Variants in COL9A2 observed in about 807,000 individuals in gnomAD.
COL9A2 encodes collagen type IX alpha 2 chain.
Under a neutral mutation model 111.6 loss-of-function variants are expected in COL9A2, and 66 were observed. The ratio of observed to expected loss-of-function variants is 0.59; its 90% CI spans 0.48 to 0.73. The LOEUF (loss-of-function observed/expected upper bound fraction) is 0.73. Among genes scored for constraint, COL9A2 ranks in the 30% least tolerant of loss-of-function variants. The pLI is 0.00. For synonymous variants in COL9A2, 353 were observed against 364.1 expected (o/e 0.97, Z 0.35); for missense variants, 881 against 954.1 (o/e 0.92, Z 1.01).
At chr1:40,308,577 G>C (rs191452625) in intron 16 of COL9A2, among the ~76,000 whole-genome samples, 1 of 152,246 alleles carries the variant, frequency 6.6e-6, no homozygotes, top group Non-Finnish European at 1.5e-5. Context: ...TGCTGTGTGA[G>C]TCTTGATTTG....
chr1:40,304,556 C>T (rs371926046), intron 22 of COL9A2, 27 bp from the exon 23 acceptor site: 80 of 1,612,988 alleles, frequency 5.0e-5, no homozygotes, highest in Non-Finnish European at 6.1e-5. Context: ...AGGTCACAAC[C>T]TCAGCAGCTC....
Position 40,303,733 on chromosome 1 carries a change from G to A in COL9A2, c.1402-57C>T. 1.4e-6 allele frequency: 2 copies of A among 1,465,248 alleles called. No individual in the cohort carries two copies. The highest frequency in any genetic ancestry group is 2.7e-5 in the East Asian group (1 of 36,966). 90.8% of individuals were successfully genotyped at this position (1,465,248 alleles called of 1,614,324 possible). On this transcript the variant is annotated intron_variant, in intron 27 of 31. Coordinates refer to ENST00000372748, the MANE Select transcript of COL9A2 (RefSeq NM_001852.4). This position sits in a 1 kb window ranked among gnomAD's most constrained non-coding sequence, Gnocchi z 4.6. Reference sequence around the variant, plus strand: ...GGTGAGAAGGCGCCCGGGTGGGCGAGAGTGGGGGGTGGGGGTCGAGGAAGG... The same window carrying A: ...GGTGAGAAGGCGCCCGGGTGGGCGAAAGTGGGGGGTGGGGGTCGAGGAAGG...
intron 16 of COL9A2, among the ~76,000 whole-genome samples, chr1:40,309,256 CA>C (rs949880362): frequency 1.6e-4 from 25 of 151,812 alleles, no homozygotes; most frequent in African/African-American, 6.0e-4. Flanking sequence ...CAAAACAAAA[CA>C]AAACAACTAG....
At chr1:40,305,797 T>A (rs117303671) in intron 20 of COL9A2, 29 bp from the exon 21 acceptor site, 3 of 1,611,860 alleles carry the variant, frequency 1.9e-6, no homozygotes, top group East Asian at 2.2e-5. Flanking sequence ...CAGGTCAGTC[T>A]GGGTGGCCCA....
rs531682380 is a variant in COL9A2, at chr1:40,314,461, A to T, written c.151-74T>A. On this transcript the variant is annotated intron_variant, in intron 2 of 31. Transcript: ENST00000372748. This position sits in a 1 kb window ranked among gnomAD's most constrained non-coding sequence, Gnocchi z 4.1. ...CAAGTGGGCACACACAGGCCCTGGC[A>T]GGCCGCTCCCAAAGGCTCTCCTCAC... 1 of 1,580,786 alleles carries T rather than the reference A, an allele frequency of 6.3e-7. No homozygotes were observed. The highest frequency in any genetic ancestry group is 8.7e-7 in the Non-Finnish European group (1 of 1,149,896).
At position 40,304,915 on chromosome 1, in the gene COL9A2, C is replaced by T; in HGVS notation, c.1108-68G>A. 2.2e-6 allele frequency: 3 copies of T among 1,362,170 alleles called. No individual in the cohort carries two copies. The South Asian group carries it at 3.9e-5, about 18-fold the overall frequency. The allele number at this position is 1,362,170 out of a possible 1,614,324, so 84.4% of individuals were successfully genotyped here. ...AACCCACCCTTCCACACCTGGCCAG[C>T]CCCTCCCTACCCTGGGTCTCAGCTA... On this transcript the variant is annotated intron_variant, in intron 21 of 31. Transcript: ENST00000372748.
At position 40,307,242 on chromosome 1, in the gene COL9A2, A is replaced by G. The variant is rs1278576846; in HGVS notation, c.1008+204T>C. On this transcript the variant is annotated intron_variant, in intron 19 of 31. Coordinates refer to ENST00000372748, the MANE Select transcript of COL9A2 (RefSeq NM_001852.4). This position sits in a 1 kb window ranked among gnomAD's most constrained non-coding sequence, Gnocchi z 4.8. ...TATAGTGCAGAAATGGTCAGATCCCATTTAGCCAACATGGAGGACTGGAAT... is the reference window on the plus strand; with the variant it reads ...TATAGTGCAGAAATGGTCAGATCCCGTTTAGCCAACATGGAGGACTGGAAT... Among the ~76,000 whole-genome samples the G allele has an allele frequency of 6.6e-6, 1 of 152,270 alleles. No individual in the cohort carries two copies. The highest frequency in any genetic ancestry group is 6.5e-5 in the Admixed American group (1 of 15,292).
Position 40,301,346 on chromosome 1 carries a change from T to C in COL9A2, c.1906A>G (p.Lys636Glu). Residue 636 changes from lysine (K) to glutamate (E), a missense_variant, in exon 32 of 32, where the codon AAG becomes GAG. Coordinates refer to ENST00000372748, the MANE Select transcript of COL9A2 (RefSeq NM_001852.4). ...CCTGGGGACCCTCGATCTCCATCCTTGCCGTTGATTGCCTGGCCAGGCCGG... is the reference window on the plus strand; with the variant it reads ...CCTGGGGACCCTCGATCTCCATCCTCGCCGTTGATTGCCTGGCCAGGCCGG... ...PGRPGQAING[K>E]DGDRGSPGAP... 1 of 1,609,192 alleles carries C rather than the reference T, an allele frequency of 6.2e-7. No individual in the cohort carries two copies. The highest frequency in any genetic ancestry group is 8.5e-7 in the Non-Finnish European group (1 of 1,176,754).
In COL9A2 at chr1:40,302,461, C is replaced by T. The variant is rs965167236; in HGVS notation, c.1792+160G>A. Among the ~76,000 whole-genome samples the T allele has an allele frequency of 2.6e-5, 4 of 152,176 alleles. No individual in the cohort carries two copies. The highest frequency in any genetic ancestry group is 1.3e-4 in the Admixed American group (2 of 15,268). ...ATAACATAGTACATTCATTGCCATC[C>T]GTTTGCTACTAGGAAAGAGCCCAGG... On this transcript the variant is annotated intron_variant, in intron 30 of 31. Transcript: ENST00000372748. The surrounding 1 kb of genome is among the most constrained non-coding windows in gnomAD (Gnocchi z 4.5).
In COL9A2 at chr1:40,310,509, GGA is replaced by G. The variant is rs1644106375; in HGVS notation, c.685-194_685-193del. Among the ~76,000 whole-genome samples, 1 of 152,190 alleles carries G rather than the reference GGA, an allele frequency of 6.6e-6. No homozygotes were observed. Among genetic ancestry groups the G allele is most frequent in the Non-Finnish European group, 1.5e-5 (1 of 68,028 alleles). ...TACTCAAAGGGACAGTGGCAGACCTGGACCTCAGCCTGGGCTTCTTGCTGACA... is the reference window on the plus strand; with the variant it reads ...TACTCAAAGGGACAGTGGCAGACCTGCCTCAGCCTGGGCTTCTTGCTGACA... On this transcript the variant is annotated intron_variant, in intron 13 of 31. Coordinates refer to ENST00000372748, the MANE Select transcript of COL9A2 (RefSeq NM_001852.4). This position sits in a 1 kb window ranked among gnomAD's most constrained non-coding sequence, Gnocchi z 4.9.
rs1644207792 is a variant in COL9A2, at chr1:40,315,643, C to G, written c.97G>C (p.Gly33Arg). The G allele has an allele frequency of 6.4e-7, 1 of 1,554,080 alleles. No homozygotes were observed. Among genetic ancestry groups the G allele is most frequent in the African/African-American group, 1.4e-5 (1 of 73,686 alleles). ...GGCGGTCCCGGGGGACCCGGGGGGC[C>G]CCGCTCTCCCGGTGGACCTCTCTGA... Reference protein sequence around the residue: ...AQIRGPPGERGPPGPPGPPGV... With the variant: ...AQIRGPPGERRPPGPPGPPGV... The change falls in exon 2 of 32, where the codon GGC becomes CGC. Residue 33 changes from glycine (G) to arginine (R), a missense_variant. Gly to Arg is a moderately radical substitution (Grantham distance 125). Transcript: ENST00000372748.
chr1:40,307,779 G>C lies in COL9A2; in HGVS notation c.901-23C>G. On this transcript the variant is annotated intron_variant, in intron 17 of 31. Coordinates refer to ENST00000372748, the MANE Select transcript of COL9A2 (RefSeq NM_001852.4). The surrounding 1 kb of genome is among the most constrained non-coding windows in gnomAD (Gnocchi z 4.8). ...GCCCTACCCAGGAGGAAAGTTCAAG[G>C]GAGAGTGATAATGCGGAGATGTCTG... The C allele has an allele frequency of 6.2e-7, 1 of 1,613,774 alleles. No homozygotes were observed. The highest frequency in any genetic ancestry group is 8.5e-7 in the Non-Finnish European group (1 of 1,179,704).
chr1:40,317,038 G>A lies in COL9A2; in HGVS notation c.75+85C>T. The A allele has an allele frequency of 3.6e-6, 5 of 1,379,968 alleles. No homozygotes were observed. The South Asian group carries it at 6.2e-5, about 17-fold the overall frequency. The allele number at this position is 1,379,968 out of a possible 1,614,324, so 85.5% of individuals were successfully genotyped here. ...CCTCTCGGGCTAGGGGTGTCAGTAGGCGCGGGACACAGGCAGAGCTCCTCC... is the reference window on the plus strand; with the variant it reads ...CCTCTCGGGCTAGGGGTGTCAGTAGACGCGGGACACAGGCAGAGCTCCTCC... On this transcript the variant is annotated intron_variant, in intron 1 of 31. Coordinates refer to ENST00000372748, the MANE Select transcript of COL9A2 (RefSeq NM_001852.4). This position sits in a 1 kb window ranked among gnomAD's most constrained non-coding sequence, Gnocchi z 4.3.
Position 40,303,630 on chromosome 1 carries a change from G to A in COL9A2, c.1448C>T (p.Ala483Val), listed in dbSNP as rs1203537041. ...EPGYPGPSGD[A>V]GAPGVQGYPG... The stretch of plus-strand genomic sequence containing the variant: ...GTAGCCCTGAACCCCTGGGGCGCCC[G>A]CATCCCCGCTGGGGCCAGGGTAGCC... The change falls in exon 28 of 32, where the codon GCG (alanine) becomes GTG (valine). Residue 483 changes from alanine to valine, a missense_variant. Coordinates refer to ENST00000372748, the MANE Select transcript of COL9A2 (RefSeq NM_001852.4). This position sits in a 1 kb window ranked among gnomAD's most constrained non-coding sequence, Gnocchi z 4.6. 4 of 1,592,988 alleles carry A rather than the reference G, an allele frequency of 2.5e-6. No individual in the cohort carries two copies. Among genetic ancestry groups the A allele is most frequent in the South Asian group, 1.1e-5 (1 of 88,236 alleles).
chr1:40,307,885 C>T lies in COL9A2; in HGVS notation c.901-129G>A. On this transcript the variant is annotated intron_variant, in intron 17 of 31. Coordinates refer to ENST00000372748, the MANE Select transcript of COL9A2 (RefSeq NM_001852.4). This position sits in a 1 kb window ranked among gnomAD's most constrained non-coding sequence, Gnocchi z 4.8. ...GTGGCTCTGGTCATCCCAGGAAGCC[C>T]CACTGGCCAACTGGGGGAGGGGAGT... 2 of 991,124 alleles carry T rather than the reference C, an allele frequency of 2.0e-6. No individual in the cohort carries two copies. Among genetic ancestry groups the T allele is most frequent in the South Asian group, 2.8e-5 (2 of 70,790 alleles). 61.4% of individuals were successfully genotyped at this position (991,124 alleles called of 1,614,324 possible).
chr1:40,315,382 C>G, intron 2 of COL9A2: 1 of 1,389,094 alleles, frequency 7.2e-7, no homozygotes, highest in East Asian at 2.8e-5. Flanking sequence ...TGTCTGTCGG[C>G]GGCTATAACG....
Position 40,316,338 on chromosome 1 carries a change from C to T in COL9A2, c.76-674G>A, listed in dbSNP as rs1438547609. Among the ~76,000 whole-genome samples, 1 of 152,212 alleles carries T rather than the reference C, an allele frequency of 6.6e-6. No individual in the cohort carries two copies. Among genetic ancestry groups the T allele is most frequent in the African/African-American group, 2.4e-5 (1 of 41,464 alleles). On this transcript the variant is annotated intron_variant, in intron 1 of 31. Transcript: ENST00000372748. This position sits in a 1 kb window ranked among gnomAD's most constrained non-coding sequence, Gnocchi z 5.5. ...GCAGGGGAGCAGGAGGAGCCGGCACCTCCCAGAAAGCAGACCCTCTCTCTG... is the reference window on the plus strand; with the variant it reads ...GCAGGGGAGCAGGAGGAGCCGGCACTTCCCAGAAAGCAGACCCTCTCTCTG...
At position 40,316,175 on chromosome 1, in the gene COL9A2, C is replaced by G. The variant is rs209921; in HGVS notation, c.76-511G>C. The G allele has an allele frequency of 4.0e-3, 644 of 162,888 alleles. 7 individuals are homozygous for G. The highest frequency in any genetic ancestry group is 0.015 in the African/African-American group (622 of 41,648). The allele number at this position is 162,888 out of a possible 1,614,324, so 10.1% of individuals were successfully genotyped here. On this transcript the variant is annotated intron_variant, in intron 1 of 31. Coordinates refer to ENST00000372748, the MANE Select transcript of COL9A2 (RefSeq NM_001852.4). The surrounding 1 kb of genome is among the most constrained non-coding windows in gnomAD (Gnocchi z 5.5). ...AGCGCCTCCTCCTCTCCCCATGGTG[C>G]GGGAAAACCCGACGGGAAAGTGGGG... is the stretch of plus-strand genomic sequence containing the variant.
Position 40,300,819 on chromosome 1 carries a change from C to T in COL9A2, c.*363G>A, listed in dbSNP as rs538062384. 4.5e-6 allele frequency: 1 copy of T among 221,614 alleles called. No individual in the cohort carries two copies. Among genetic ancestry groups the T allele is most frequent in the African/African-American group, 2.3e-5 (1 of 43,820 alleles). The allele number at this position is 221,614 out of a possible 1,614,324, so 13.7% of individuals were successfully genotyped here. A position where few individuals can be genotyped will look rare whatever the true frequency, so the allele number is the denominator to read the frequency against. ...CTGTAGCTGGGCAGGGCCCGGGCCT[C>T]CCGAGGTGCCCATGTCCCACTGACC... is the stretch of plus-strand genomic sequence containing the variant. On this transcript the variant is annotated 3_prime_UTR_variant, in exon 32 of 32. Coordinates refer to ENST00000372748, the MANE Select transcript of COL9A2 (RefSeq NM_001852.4). This position sits in a 1 kb window ranked among gnomAD's most constrained non-coding sequence, Gnocchi z 4.4.
Sources: gnomAD v4.1 joint callset for allele counts (sites outside exome capture counted in the v4.1 genomes callset) on GRCh38, gnomAD v4.1.1 for gene constraint, Gnocchi (gnomAD v3.1) non-coding constraint, MANE v1.5 for transcripts, NCBI Gene and HGNC (gene_info 2026-07-23, HGNC 2026-07-21) for gene names.